RNF130: variants seen among roughly 807,000 people sequenced by gnomAD.
RNF130 encodes ring finger protein 130.
A neutral mutation model predicts 44.6 loss-of-function variants in RNF130; 21 were observed. The observed-to-expected ratio is 0.47, with a 90% CI of 0.33 to 0.68. The LOEUF (loss-of-function observed/expected upper bound fraction) is 0.68, where lower values mean the gene tolerates loss of function less well. Among genes scored for constraint, RNF130 ranks in the 30% least tolerant of loss-of-function variants. RNF130 has a pLI of 0.02. For synonymous variants in RNF130, 214 were observed against 210.4 expected (o/e 1.02, Z -0.15); for missense variants, 479 against 560.6 (o/e 0.85, Z 1.47).
intron 3 of RNF130, among the ~76,000 whole-genome samples, chr5:180,002,661 C>T (rs916349025): frequency 6.6e-6 from 1 of 152,154 alleles, no homozygotes; most frequent in Non-Finnish European, 1.5e-5. Context: ...CTCCTCACCA[C>T]AGTGAGCTCT....
At chr5:180,037,996 T>C (rs1258510247) in intron 2 of RNF130, among the ~76,000 whole-genome samples, 1 of 152,178 alleles carries the variant, frequency 6.6e-6, no homozygotes, top group Non-Finnish European at 1.5e-5. Context: ...AAGAGTTACA[T>C]GGTCAAATAG....
At chr5:180,062,902 C>T (rs1765019845) in intron 1 of RNF130, among the ~76,000 whole-genome samples, 1 of 152,138 alleles carries the variant, frequency 6.6e-6, no homozygotes, top group Admixed American at 6.5e-5. Flanking sequence ...TGTAAAGTTC[C>T]ACTAATATAG....
chr5:179,962,854 C>T (rs988412030), intron 8 of RNF130, among the ~76,000 whole-genome samples: 14 of 152,184 alleles, frequency 9.2e-5, no homozygotes, highest in African/African-American at 2.9e-4. Context: ...CCAACCCCAC[C>T]GACAGACGTC....
chr5:179,995,113 T>C (rs1168905914), intron 3 of RNF130, among the ~76,000 whole-genome samples: 1 of 152,044 alleles, frequency 6.6e-6, no homozygotes, highest in African/African-American at 2.4e-5. Context: ...TAGGCAAAGA[T>C]GAGAGCAACT....
intron 3 of RNF130, among the ~76,000 whole-genome samples, chr5:180,008,807 C>G (rs749836498): frequency 2.0e-5 from 3 of 151,974 alleles, no homozygotes; most frequent in Non-Finnish European, 2.9e-5. Flanking sequence ...TCACTTGAAC[C>G]CGGGAGGTGG....
chr5:179,991,019 A>G (rs1763070462), intron 3 of RNF130, among the ~76,000 whole-genome samples: 1 of 152,164 alleles, frequency 6.6e-6, no homozygotes, highest in African/African-American at 2.4e-5. Flanking sequence ...TGTTGCCCAC[A>G]TTTGCTTGTC....
Position 179,970,616 on chromosome 5 carries a change from C to T in RNF130, c.849-110G>A, listed in dbSNP as rs751762880. The T allele has an allele frequency of 7.6e-5, 59 of 778,194 alleles. 1 individual carries two copies. The highest frequency in any genetic ancestry group is 4.7e-4 in the Middle Eastern group (2 of 4,276). The allele number at this position is 778,194 out of a possible 1,614,324, so 48.2% of individuals were successfully genotyped here. A position where few individuals can be genotyped will look rare whatever the true frequency, so the allele number is the denominator to read the frequency against. On this transcript the variant is annotated intron_variant, in intron 5 of 8. Coordinates refer to ENST00000521389, the MANE Select transcript of RNF130 (RefSeq NM_018434.6). ...AAGTTTTCTTTTCCCCCTTTCAGGACATATTTTAAGCCCCAAGAGACAAAT... is the reference window on the plus strand; with the variant it reads ...AAGTTTTCTTTTCCCCCTTTCAGGATATATTTTAAGCCCCAAGAGACAAAT...
chr5:179,912,030 T>G (rs1433626862), exon 8 of RNF130: 7 of 152,232 alleles, frequency 4.6e-5, no homozygotes, highest in Non-Finnish European at 8.8e-5. Flanking sequence ...TTTTCATCCC[T>G]CAAGGTGGAA....
intron 3 of RNF130, among the ~76,000 whole-genome samples, chr5:179,995,617 G>A (rs1029734181): frequency 4.6e-5 from 7 of 152,224 alleles, no homozygotes; most frequent in Admixed American, 2.6e-4. Context: ...ATCCCAGGTT[G>A]TTCCTTCTCA....
At chr5:180,020,178 C>T (rs1019658064) in intron 2 of RNF130, among the ~76,000 whole-genome samples, 2 of 152,056 alleles carry the variant, frequency 1.3e-5, no homozygotes, top group Admixed American at 1.3e-4. Flanking sequence ...GGACCAGGCT[C>T]CTGGAGAAGT....
intron 3 of RNF130, among the ~76,000 whole-genome samples, chr5:179,986,416 C>T (rs990076075): frequency 1.2e-4 from 18 of 152,222 alleles, no homozygotes; most frequent in African/African-American, 4.1e-4. Context: ...GCACTTCATA[C>T]AGGTCCCATG....
At chr5:179,966,729 C>T (rs548297953) in intron 7 of RNF130, 77 bp downstream of exon 7, 2 of 1,310,734 alleles carry the variant, frequency 1.5e-6, no homozygotes, top group Admixed American at 2.0e-5. Flanking sequence ...GAGGCGAGTG[C>T]CTTGACTCTC....
rs866473388 is a variant in RNF130 at position 180,010,267 on chromosome 5, A to C, written c.693+2794T>G. On this transcript the variant is annotated intron_variant, in intron 3 of 8. Transcript: ENST00000521389. The stretch of plus-strand genomic sequence containing the variant: ...CTCAAAAAAAAAAAAAAAAAAAAAA[A>C]AAAAAGTATCTCAAGGTAATTATGC... Among the ~76,000 whole-genome samples the C allele has an allele frequency of 2.6e-5, 4 of 151,582 alleles. No homozygotes were observed. The East Asian group carries it at 7.7e-4, about 29-fold the overall frequency.
chr5:179,995,140 C>T (rs1468921364), intron 3 of RNF130, among the ~76,000 whole-genome samples: 1 of 152,132 alleles, frequency 6.6e-6, no homozygotes, highest in African/African-American at 2.4e-5. Context: ...GCATCAATGT[C>T]CCAGCACAGG....
intron 3 of RNF130, among the ~76,000 whole-genome samples, chr5:179,995,193 G>A (rs1342649454): frequency 6.7e-6 from 1 of 149,056 alleles, no homozygotes; most frequent in African/African-American, 2.4e-5. Context: ...CAAACAGTAT[G>A]GGACCTGCCT....
chr5:180,055,484 G>A (rs1000963248), intron 1 of RNF130, among the ~76,000 whole-genome samples: 6 of 151,814 alleles, frequency 4.0e-5, no homozygotes, highest in Non-Finnish European at 5.9e-5. Context: ...GCGCGCACGC[G>A]TATGTGTCTG....
chr5:180,040,606 C>CA lies in RNF130; in HGVS notation c.288dup (p.Val97CysfsTer4). On this transcript the variant is annotated frameshift_variant, in exon 2 of 9. Transcript: ENST00000521389. LOFTEE classifies it high-confidence loss of function. ...ATCCACTGTTTGATATTAGGAGGGA[C>CA]AAAGAACCGGGTTTGTGGATCACAG... 1 of 1,614,068 alleles carries CA rather than the reference C, an allele frequency of 6.2e-7. No individual in the cohort carries two copies. The highest frequency in any genetic ancestry group is 8.5e-7 in the Non-Finnish European group (1 of 1,179,982).
intron 2 of RNF130, among the ~76,000 whole-genome samples, chr5:180,018,719 G>C (rs1034832155): frequency 1.3e-5 from 2 of 152,176 alleles, no homozygotes; most frequent in Non-Finnish European, 2.9e-5. Context: ...TTCGCCCCCT[G>C]CCCACTGCTC....
chr5:179,913,442 G>A (rs1386742158), exon 8 of RNF130: 4 of 152,136 alleles, frequency 2.6e-5, no homozygotes, highest in Non-Finnish European at 4.4e-5. Context: ...CTTCAGCTTA[G>A]GGTGGAAAAG....
Sources: gnomAD v4.1 joint callset for allele counts (sites outside exome capture counted in the v4.1 genomes callset) on GRCh38, gnomAD v4.1.1 for gene constraint, MANE v1.5 for transcripts, NCBI Gene and HGNC (gene_info 2026-07-23, HGNC 2026-07-21) for gene names.